TMEM9: variants seen among roughly 807,000 people sequenced by gnomAD.
The protein encoded by TMEM9 is proton-transporting V-type ATPase complex assembly regulator TMEM9.
TMEM9 carries 13 observed loss-of-function variants against 22.8 expected under a neutral mutation model. That is an observed-to-expected ratio of 0.57 (90% CI 0.37 to 0.91). TMEM9 has a LOEUF of 0.91. Among genes scored for constraint, TMEM9 ranks in the 40% least tolerant of loss-of-function variants. The pLI is 0.01. For missense variants in TMEM9, 182 were observed against 238.1 expected (o/e 0.76, Z 1.55); for synonymous variants, 88 against 93.0 (o/e 0.95, Z 0.31).
chr1:201,169,075 G>A (rs562214868), intron 1 of TMEM9, among the ~76,000 whole-genome samples: 6 of 150,968 alleles, frequency 4.0e-5, no homozygotes, highest in African/African-American at 1.5e-4. Flanking sequence ...ACACATTTGT[G>A]TAAAGAACTT....
Position 201,166,730 on chromosome 1 carries a change from C to T in TMEM9, c.-37+4760G>A, listed in dbSNP as rs558826534. On this transcript the variant is annotated intron_variant, in intron 1 of 5. Coordinates refer to the TMEM9 transcript ENST00000367333. Reference sequence around the variant, plus strand: ...AAAGGGAGAAAATAAACCCTAGTCCCGTCATATATTTTGTTTTTTAATTTT... The same window carrying T: ...AAAGGGAGAAAATAAACCCTAGTCCTGTCATATATTTTGTTTTTTAATTTT... Among the ~76,000 whole-genome samples the T allele has an allele frequency of 3.3e-5, 5 of 152,160 alleles. No individual in the cohort carries two copies. In the South Asian group the frequency reaches 1.0e-3, roughly 32 times the overall value.
chr1:201,166,738 ATTTTGTT>A (rs1328810369), intron 1 of TMEM9, among the ~76,000 whole-genome samples: 1 of 152,120 alleles, frequency 6.6e-6, no homozygotes, highest in Non-Finnish European at 1.5e-5. Context: ...CCCGTCATAT[ATTTTGTT>A]TTTTAATTTT....
At chr1:201,157,149 T>G (rs1056172562), upstream of TMEM9, among the ~76,000 whole-genome samples, 4 of 152,136 alleles carry the variant, frequency 2.6e-5, no homozygotes, top group African/African-American at 9.6e-5. Context: ...ATGCAGGGGG[T>G]TTTATAGATG....
At chr1:201,142,118 C>A (rs1041962387) in intron 4 of TMEM9, among the ~76,000 whole-genome samples, 1 of 152,206 alleles carries the variant, frequency 6.6e-6, no homozygotes, top group South Asian at 2.1e-4. Context: ...GCCAGTGCCA[C>A]CACCTCCCAG....
rs573465771 is a variant in TMEM9 at position 201,135,711 on chromosome 1, C to A, written c.504G>T (p.Val168=). Residue 168 remains valine, a synonymous_variant, in exon 5 of 5, where the codon GTG becomes GTT. Coordinates refer to ENST00000367330, the MANE Select transcript of TMEM9 (RefSeq NM_001288565.2). ...CGAAGACTGTCTTCCGCTGCTCCTGCACCTGCAGCTTCCACCGCTGCTGGG... is the reference window on the plus strand; with the variant it reads ...CGAAGACTGTCTTCCGCTGCTCCTGAACCTGCAGCTTCCACCGCTGCTGGG... ...EGAQQRWKLQ[V]QEQRKTVFDR... 6.2e-7 allele frequency: 1 copy of A among 1,613,886 alleles called. No homozygotes were observed. The highest frequency in any genetic ancestry group is 1.7e-5 in the Admixed American group (1 of 59,998).
chr1:201,156,314 T>A (rs556377067), upstream of TMEM9, among the ~76,000 whole-genome samples: 22 of 152,322 alleles, frequency 1.4e-4, no homozygotes, highest in Non-Finnish European at 3.2e-4. Context: ...CCTGCCTGTA[T>A]CTTTCCTCGG....
chr1:201,154,042 G>C lies in TMEM9; in HGVS notation c.-119C>G, dbSNP rs1339526433. The C allele has an allele frequency of 1.8e-5, 22 of 1,227,704 alleles. No homozygotes were observed. The highest frequency in any genetic ancestry group is 8.9e-6 in the Non-Finnish European group (8 of 897,004). The allele number at this position is 1,227,704 out of a possible 1,614,324, so 76.1% of individuals were successfully genotyped here. A position where few individuals can be genotyped will look rare whatever the true frequency, so the allele number is the denominator to read the frequency against. On this transcript the variant is annotated 5_prime_UTR_variant, in exon 1 of 5. Transcript: ENST00000367330. ...GCTAGGCCCTTAACCATCCGGCCAAGTGGGAATGGGGTTGGGGGCTGGGCT... is the reference window on the plus strand; with the variant it reads ...GCTAGGCCCTTAACCATCCGGCCAACTGGGAATGGGGTTGGGGGCTGGGCT...
chr1:201,143,813 C>T lies in TMEM9; in HGVS notation c.399+7G>A. 6.2e-7 allele frequency: 1 copy of T among 1,613,918 alleles called. No individual in the cohort carries two copies. Among genetic ancestry groups the T allele is most frequent in the South Asian group, 1.1e-5 (1 of 91,066 alleles). On this transcript the variant is annotated splice_region_variant and intron_variant, in intron 4 of 4. Coordinates refer to ENST00000367330, the MANE Select transcript of TMEM9 (RefSeq NM_001288565.2). Reference sequence around the variant, plus strand: ...ACCCAGGGCCTGGGCACTCAAAGCCCTCTTACCTCATTCTCCTCCTCATTG... The same window carrying T: ...ACCCAGGGCCTGGGCACTCAAAGCCTTCTTACCTCATTCTCCTCCTCATTG...
At chr1:201,146,415 A>T (rs1173853820) in intron 3 of TMEM9, among the ~76,000 whole-genome samples, 1 of 152,186 alleles carries the variant, frequency 6.6e-6, no homozygotes, top group Non-Finnish European at 1.5e-5. Context: ...GCAGGCACCG[A>T]AAAGAGATTT....
chr1:201,146,053 G>T (rs960899818), intron 3 of TMEM9, among the ~76,000 whole-genome samples: 6 of 152,252 alleles, frequency 3.9e-5, no homozygotes, highest in African/African-American at 1.4e-4. Context: ...CCTGGACTAG[G>T]AAGCCGCACT....
chr1:201,148,575 A>C (rs1665179979), intron 2 of TMEM9, among the ~76,000 whole-genome samples: 1 of 152,170 alleles, frequency 6.6e-6, no homozygotes, highest in African/African-American at 2.4e-5. Flanking sequence ...TGCACCGGAT[A>C]ATCTTTAAAA....
chr1:201,143,960 G>C lies in TMEM9; in HGVS notation c.268-9C>G. ...TAGATGACAATGATGACCTGAGGAA[G>C]AGACCGGCGTGCCTATGAACCATTA... is the stretch of plus-strand genomic sequence containing the variant. On this transcript the variant is annotated splice_polypyrimidine_tract_variant and intron_variant, in intron 3 of 4. Transcript: ENST00000367330. 6.2e-7 allele frequency: 1 copy of C among 1,614,026 alleles called. No homozygotes were observed. The highest frequency in any genetic ancestry group is 1.1e-5 in the South Asian group (1 of 91,080).
At chr1:201,167,887 C>A (rs1666116782) in intron 1 of TMEM9, among the ~76,000 whole-genome samples, 1 of 152,106 alleles carries the variant, frequency 6.6e-6, no homozygotes, top group African/African-American at 2.4e-5. Context: ...TAAATCATTC[C>A]CAGTTCCCCC....
At chr1:201,165,057 A>T (rs1410106065) in intron 1 of TMEM9, among the ~76,000 whole-genome samples, 1 of 151,584 alleles carries the variant, frequency 6.6e-6, no homozygotes, top group African/African-American at 2.4e-5. Context: ...GGATAAGGAA[A>T]GGACAATGGG....
chr1:201,164,268 A>G (rs1401757510), intron 1 of TMEM9, among the ~76,000 whole-genome samples: 2 of 152,226 alleles, frequency 1.3e-5, no homozygotes, highest in Non-Finnish European at 2.9e-5. Flanking sequence ...AAAGTAAGGG[A>G]TCCTTGTAGT....
chr1:201,170,628 G>A (rs1234212036), intron 1 of TMEM9, among the ~76,000 whole-genome samples: 1 of 152,148 alleles, frequency 6.6e-6, no homozygotes. Context: ...TCTGCTATGT[G>A]TCAAGCCCTG....
intron 1 of TMEM9, among the ~76,000 whole-genome samples, chr1:201,168,928 A>G (rs1370542199): frequency 6.9e-6 from 1 of 144,502 alleles, no homozygotes; most frequent in Non-Finnish European, 1.5e-5. Flanking sequence ...AGTAGCTGGG[A>G]CTCCAAGCTT....
In TMEM9 at chr1:201,146,779, G is replaced by A. The variant is rs1167986985; in HGVS notation, c.228C>T (p.Cys76=). Residue 76 remains cysteine, a synonymous_variant, in exon 3 of 5, where the codon TGC becomes TGT. Coordinates refer to ENST00000367330, the MANE Select transcript of TMEM9 (RefSeq NM_001288565.2). The part of the protein sequence containing the change: ...GHDVEAYCLL[C]ECRYEERSTT... ...TGCTGCGCTCCTCGTACCTGCACTC[G>A]CACAGCAGGCAGTAGGCCTCCACGT... The A allele has an allele frequency of 2.2e-5, 36 of 1,614,086 alleles. No individual in the cohort carries two copies. Among genetic ancestry groups the A allele is most frequent in the African/African-American group, 4.0e-5 (3 of 74,932 alleles).
intron 4 of TMEM9, among the ~76,000 whole-genome samples, chr1:201,138,711 G>C (rs1470335458): frequency 6.6e-6 from 1 of 152,200 alleles, no homozygotes; most frequent in African/African-American, 2.4e-5. Flanking sequence ...ATTATTCCCA[G>C]GCTTACAACA....
Sources: allele counts gnomAD v4.1 joint callset (sites outside exome capture counted in the v4.1 genomes callset), GRCh38; gene constraint gnomAD v4.1.1; transcripts MANE v1.5; gene names NCBI Gene and HGNC (gene_info 2026-07-23, HGNC 2026-07-21).